The following HTT variants were observed in gnomAD, a reference collection of about 807,000 sequenced individuals.
HTT encodes huntingtin.
In HTT, 104 loss-of-function variants were observed where a neutral mutation model predicts 362.3. That is an observed-to-expected ratio of 0.29 (90% CI 0.24 to 0.34). The LOEUF is 0.34. Ranked by LOEUF, HTT falls within the 10% of genes least tolerant of loss-of-function variation. HTT has a pLI of 1.00. For missense variants in HTT, 3,301 were observed against 3,928.6 expected (o/e 0.84, Z 4.27); for synonymous variants, 1,577 against 1,548.7 (o/e 1.02, Z -0.43).
chr4:3,180,056 T>C (rs922441544), intron 35 of HTT, among the ~76,000 whole-genome samples: 1 of 152,228 alleles, frequency 6.6e-6, no homozygotes, highest in Admixed American at 6.5e-5. Context: ...AAGTCCCTTA[T>C]CTATCTAATG....
chr4:3,203,554 A>G lies in HTT; in HGVS notation c.5577-453A>G, dbSNP rs968588347. ...TTTTTAAACAGGATTTCCATAACGT[A>G]TAACATCAACATGTTTAGAGTGGTG... On this transcript the variant is annotated intron_variant, in intron 41 of 66. Transcript: ENST00000355072. Among the ~76,000 whole-genome samples, 7 of 152,262 alleles carry G rather than the reference A, an allele frequency of 4.6e-5. No homozygotes were observed. In the East Asian group the frequency reaches 7.7e-4, roughly 17 times the overall value.
chr4:3,080,091 C>G (rs1447059126), intron 1 of HTT, among the ~76,000 whole-genome samples: 1 of 151,854 alleles, frequency 6.6e-6, no homozygotes, highest in East Asian at 1.9e-4. Flanking sequence ...GGAACCCAGG[C>G]TCTTTCTTTT....
chr4:3,112,179 A>G (rs2110168481), intron 6 of HTT, among the ~76,000 whole-genome samples: 1 of 152,278 alleles, frequency 6.6e-6, no homozygotes, highest in Admixed American at 6.5e-5. Context: ...CACAAGTTCA[A>G]TCCAGCGTGT....
chr4:3,131,852 GT>G, intron 16 of HTT, 77 bp downstream of exon 16: 1 of 1,409,446 alleles, frequency 7.1e-7, no homozygotes, highest in Non-Finnish European at 9.8e-7. Context: ...GACTATTTTA[GT>G]TTTAGAGCAG....
At chr4:3,077,508 C>A (rs1712621280) in intron 1 of HTT, among the ~76,000 whole-genome samples, 1 of 152,168 alleles carries the variant, frequency 6.6e-6, no homozygotes, top group South Asian at 2.1e-4. Context: ...CAGTCTCTGC[C>A]TCCCAGGTTC....
At chr4:3,160,184 G>A (rs996102997) in intron 28 of HTT, 98 bp from the exon 29 acceptor site, 1 of 764,342 alleles carries the variant, frequency 1.3e-6, no homozygotes, top group South Asian at 1.5e-5. Context: ...GCACAGTGGA[G>A]GCATCTGCTG....
chr4:3,222,421 G>C lies in HTT; in HGVS notation c.7404G>C (p.Trp2468Cys). ...WTSRTQFEETWATLLGVLVTQ... is the reference protein window; with the variant it reads ...WTSRTQFEETCATLLGVLVTQ... ...GTCGTACTCAGTTTGAAGAAACTTG[G>C]GCCACCCTCCTTGGTGTCCTGGTGA... The change falls in exon 54 of 67, where the codon TGG (tryptophan) becomes TGC (cysteine). Residue 2468 changes from tryptophan to cysteine, a missense_variant. Transcript: ENST00000355072. 1 of 1,614,118 alleles carries C rather than the reference G, an allele frequency of 6.2e-7. No homozygotes were observed. The highest frequency in any genetic ancestry group is 8.5e-7 in the Non-Finnish European group (1 of 1,180,024).
chr4:3,178,480 T>G, intron 35 of HTT, 34 bp downstream of exon 35: 2 of 1,602,956 alleles, frequency 1.2e-6, no homozygotes, highest in South Asian at 2.2e-5. Context: ...TCGTCTTCGG[T>G]GTCGTGATGT....
At chr4:3,082,423 A>T (rs985019222) in intron 1 of HTT, among the ~76,000 whole-genome samples, 2 of 152,220 alleles carry the variant, frequency 1.3e-5, no homozygotes, top group African/African-American at 4.8e-5. Context: ...AAAATAAAAT[A>T]CCTTATAAAG....
chr4:3,162,500 A>G (rs1434826537), intron 29 of HTT, among the ~76,000 whole-genome samples: 2 of 152,206 alleles, frequency 1.3e-5, no homozygotes, highest in Admixed American at 6.5e-5. Context: ...CATTGAATCT[A>G]TAAATTACTT....
intron 52 of HTT, among the ~76,000 whole-genome samples, chr4:3,219,885 G>C (rs1720595489): frequency 6.6e-6 from 1 of 152,216 alleles, no homozygotes; most frequent in Non-Finnish European, 1.5e-5. Context: ...TGGGCGAGGG[G>C]TGCTGTCTCT....
At chr4:3,201,565 A>G (rs1409809509) in intron 41 of HTT, among the ~76,000 whole-genome samples, 3 of 151,896 alleles carry the variant, frequency 2.0e-5, no homozygotes, top group Non-Finnish European at 4.4e-5. Context: ...TAATGGATCA[A>G]TGGATTTTTA....
Position 3,212,249 on chromosome 4 carries a change from A to G in HTT, c.6628+107A>G, listed in dbSNP as rs1720194510. 3.4e-6 allele frequency: 3 copies of G among 892,856 alleles called. No individual in the cohort carries two copies. In the East Asian group the frequency reaches 8.0e-5, roughly 24 times the overall value. The allele number at this position is 892,856 out of a possible 1,614,324, so 55.3% of individuals were successfully genotyped here. A position where few individuals can be genotyped will look rare whatever the true frequency, so the allele number is the denominator to read the frequency against. ...AAAGGCAGTGGATCTAATACATTGA[A>G]AGCGTTTACAGAGGTAGCTAAAGAG... is the stretch of plus-strand genomic sequence containing the variant. On this transcript the variant is annotated intron_variant, in intron 48 of 66. Coordinates refer to ENST00000355072, the MANE Select transcript of HTT (RefSeq NM_001388492.1).
intron 1 of HTT, among the ~76,000 whole-genome samples, chr4:3,075,871 G>A (rs983086506): frequency 5.3e-5 from 8 of 151,990 alleles, no homozygotes; most frequent in African/African-American, 1.9e-4. Context: ...GCCAAGTAAA[G>A]TGGTGAACTT....
intron 2 of HTT, among the ~76,000 whole-genome samples, chr4:3,088,443 G>A (rs1440346207): frequency 1.3e-5 from 2 of 152,002 alleles, no homozygotes; most frequent in African/African-American, 4.8e-5. Context: ...CAAAGTGCTG[G>A]GATTACAGGC....
chr4:3,183,128 A>C (rs561780566), intron 37 of HTT, among the ~76,000 whole-genome samples: 1 of 152,314 alleles, frequency 6.6e-6, no homozygotes, highest in Admixed American at 6.5e-5. Flanking sequence ...GTGATCCACC[A>C]ACCTTGGCCT....
At chr4:3,185,582 A>C (rs1718722567) in intron 37 of HTT, among the ~76,000 whole-genome samples, 1 of 152,214 alleles carries the variant, frequency 6.6e-6, no homozygotes, top group African/African-American at 2.4e-5. Flanking sequence ...CTGTGGTATA[A>C]GCTTAGACTA....
At position 3,225,019 on chromosome 4, in the gene HTT, G is replaced by A. The variant is rs560877269; in HGVS notation, c.7766-642G>A. ...AGCAAGTGCTTCCAGGGAAGGGGGCGTGGAGGCCCCTTTGGAGGAGGCAAG... is the reference window on the plus strand; with the variant it reads ...AGCAAGTGCTTCCAGGGAAGGGGGCATGGAGGCCCCTTTGGAGGAGGCAAG... On this transcript the variant is annotated intron_variant, in intron 56 of 66. Transcript: ENST00000355072. Among the ~76,000 whole-genome samples, 224 of 152,298 alleles carry A rather than the reference G, an allele frequency of 1.5e-3. 1 individual carries two copies. Among genetic ancestry groups the A allele is most frequent in the African/African-American group, 5.1e-3 (213 of 41,562 alleles).
rs1362492232 is a variant in HTT, at chr4:3,241,701, G to A, written c.*1642G>A. On this transcript the variant is annotated 3_prime_UTR_variant, in exon 67 of 67. Transcript: ENST00000355072. ...CTGTCCCTCTCCTATGTGGCAGCTG[G>A]GGAGCAGCTGAGATGTGGACTTGTA... 1 of 152,230 alleles carries A rather than the reference G, an allele frequency of 6.6e-6. No individual in the cohort carries two copies. 9.4% of individuals were successfully genotyped at this position (152,230 alleles called of 1,614,324 possible).
Sources: allele counts gnomAD v4.1 joint callset (sites outside exome capture counted in the v4.1 genomes callset), GRCh38; gene constraint gnomAD v4.1.1; transcripts MANE v1.5; gene names NCBI Gene and HGNC (gene_info 2026-07-23, HGNC 2026-07-21).